Variants in MYCBP2 observed in about 807,000 individuals in gnomAD.
MYCBP2 encodes E3 ubiquitin-protein ligase MYCBP2.
Under a neutral mutation model 525.3 loss-of-function variants are expected in MYCBP2, and 120 were observed. The observed-to-expected ratio is 0.23, with a 90% CI of 0.20 to 0.27. MYCBP2 has a LOEUF of 0.27. Ranked by LOEUF, MYCBP2 falls within the 10% of genes least tolerant of loss-of-function variation. The pLI, the probability that MYCBP2 is intolerant of heterozygous loss-of-function variation, is 1.00. For missense variants in MYCBP2, 4,149 were observed against 5,657.1 expected (o/e 0.73, Z 8.55); for synonymous variants, 1,894 against 1,955.8 (o/e 0.97, Z 0.83).
intron 1 of MYCBP2, among the ~76,000 whole-genome samples, chr13:77,317,846 A>G (rs2081136454): frequency 6.6e-6 from 1 of 152,172 alleles, no homozygotes; most frequent in Non-Finnish European, 1.5e-5. Flanking sequence ...CTGAGGTAGG[A>G]GAACTGCTTG....
rs1393254656 is a variant in MYCBP2 at position 77,088,786 on chromosome 13, G to GA, written c.10725+45dup. The GA allele has an allele frequency of 2.0e-6, 3 of 1,511,080 alleles. No homozygotes were observed. In the African/African-American group the frequency reaches 4.1e-5, roughly 21 times the overall value. The allele number at this position is 1,511,080 out of a possible 1,614,324, so 93.6% of individuals were successfully genotyped here. A position where few individuals can be genotyped will look rare whatever the true frequency, so the allele number is the denominator to read the frequency against. On this transcript the variant is annotated intron_variant, in intron 61 of 82. Coordinates refer to ENST00000544440, the MANE Select transcript of MYCBP2 (RefSeq NM_015057.5). ...GCATCGTGAAATAGAATCATCACAT[G>GA]ATTTGTATAATCAATGAATCAGTAA...
intron 66 of MYCBP2, among the ~76,000 whole-genome samples, chr13:77,078,611 G>A (rs1372171823): frequency 6.6e-6 from 1 of 152,106 alleles, no homozygotes; most frequent in Non-Finnish European, 1.5e-5. Flanking sequence ...GCTCATGACT[G>A]GGGAACATTT....
intron 4 of MYCBP2, among the ~76,000 whole-genome samples, chr13:77,276,389 AAGG>A (rs1324309428): frequency 2.0e-5 from 3 of 152,176 alleles, no homozygotes; most frequent in Non-Finnish European, 4.4e-5. Context: ...AGATTAAAAA[AAGG>A]AGGAGAGGCA....
intron 30 of MYCBP2, among the ~76,000 whole-genome samples, chr13:77,186,992 T>C (rs1644647279): frequency 6.6e-6 from 1 of 151,890 alleles, no homozygotes; most frequent in African/African-American, 2.4e-5. Flanking sequence ...TTAAGTTTTT[T>C]TAGATGGGGG....
At chr13:77,125,550 T>C in intron 53 of MYCBP2, 82 bp from the exon 54 acceptor site, 1 of 1,480,398 alleles carries the variant, frequency 6.8e-7, no homozygotes, top group South Asian at 1.2e-5. Context: ...ATCTTACGTG[T>C]CTGAATAGTG....
chr13:77,237,573 T>C (rs1469577986), intron 17 of MYCBP2, among the ~76,000 whole-genome samples: 1 of 152,056 alleles, frequency 6.6e-6, no homozygotes, highest in East Asian at 1.9e-4. Context: ...ATAAAAACAA[T>C]AATTGAATTA....
intron 46 of MYCBP2, among the ~76,000 whole-genome samples, chr13:77,152,302 G>T (rs2056584904): frequency 6.6e-6 from 1 of 152,134 alleles, no homozygotes; most frequent in South Asian, 2.1e-4. Flanking sequence ...TTTAAAAAAT[G>T]GCAGTTTACA....
rs2154275588 is a variant in MYCBP2 at position 77,205,447 on chromosome 13, C to T, written c.3715+26G>A. 3 of 1,612,064 alleles carry T rather than the reference C, an allele frequency of 1.9e-6. 1 individual carries two copies. The highest frequency in any genetic ancestry group is 2.5e-6 in the Non-Finnish European group (3 of 1,179,198). ...CATATATATTTCAGTTGTAAGACAACATTTCCTAAACCGAAGTATACATAC... is the reference window on the plus strand; with the variant it reads ...CATATATATTTCAGTTGTAAGACAATATTTCCTAAACCGAAGTATACATAC... On this transcript the variant is annotated intron_variant, in intron 25 of 82. Coordinates refer to ENST00000544440, the MANE Select transcript of MYCBP2 (RefSeq NM_015057.5).
chr13:77,171,166 T>C (rs1324521587), intron 38 of MYCBP2, among the ~76,000 whole-genome samples: 1 of 152,124 alleles, frequency 6.6e-6, no homozygotes, highest in Non-Finnish European at 1.5e-5. Context: ...AGCGATACAT[T>C]ACTGGAAAAA....
intron 55 of MYCBP2, among the ~76,000 whole-genome samples, chr13:77,105,571 A>T (rs1158255097): frequency 1.3e-5 from 2 of 152,072 alleles, no homozygotes; most frequent in Non-Finnish European, 2.9e-5. Flanking sequence ...TTTTTAATTT[A>T]AAAAAGGGAA....
At chr13:77,086,291 G>A (rs1566455633) in intron 62 of MYCBP2, among the ~76,000 whole-genome samples, 1 of 151,892 alleles carries the variant, frequency 6.6e-6, no homozygotes, top group Non-Finnish European at 1.5e-5. Flanking sequence ...ATTTTAACTT[G>A]TAATGTTGCT....
intron 46 of MYCBP2, among the ~76,000 whole-genome samples, chr13:77,155,377 T>C (rs1383381022): frequency 6.6e-6 from 1 of 152,190 alleles, no homozygotes; most frequent in Non-Finnish European, 1.5e-5. Flanking sequence ...AATCACTCTA[T>C]AAGACAACTT....
At chr13:77,241,867 G>T (rs752372806) in intron 17 of MYCBP2, among the ~76,000 whole-genome samples, 43 of 152,098 alleles carry the variant, frequency 2.8e-4, no homozygotes, top group Middle Eastern at 3.4e-3. Context: ...ATATAATGAT[G>T]GTTAAATGGG....
At chr13:77,226,104 G>A (rs192061269) in intron 18 of MYCBP2, among the ~76,000 whole-genome samples, 2 of 152,154 alleles carry the variant, frequency 1.3e-5, no homozygotes, top group African/African-American at 4.8e-5. Context: ...TCAATATATT[G>A]CAGTTCAATG....
intron 71 of MYCBP2, 149 bp from the exon 72 acceptor site, chr13:77,066,237 C>A (rs1393820664): frequency 1.7e-6 from 1 of 600,932 alleles, no homozygotes; most frequent in South Asian, 2.1e-5. Context: ...TTCATCAAAC[C>A]ATTACCCCAA....
At chr13:77,262,000 T>G in intron 11 of MYCBP2, 53 bp downstream of exon 11, 1 of 1,389,596 alleles carries the variant, frequency 7.2e-7, no homozygotes. Flanking sequence ...AGATTGTATT[T>G]TAATCTCTTA....
At chr13:77,112,016 G>A (rs2048907811) in intron 55 of MYCBP2, among the ~76,000 whole-genome samples, 1 of 152,070 alleles carries the variant, frequency 6.6e-6, no homozygotes, top group Non-Finnish European at 1.5e-5. Context: ...CTTGGACAGG[G>A]ATAAAAGTTG....
rs570326784 is a variant in MYCBP2, at chr13:77,214,716, AG to A, written c.3058-2557del. On this transcript the variant is annotated intron_variant, in intron 21 of 82. Transcript: ENST00000544440. ...TAGACGGTATATCTACTACATACTT[AG>A]GTGATATGGTGTAGCCTATTGCTCC... Among the ~76,000 whole-genome samples the A allele has an allele frequency of 5.3e-5, 8 of 152,318 alleles. No individual in the cohort carries two copies. The East Asian group carries it at 7.7e-4, about 15-fold the overall frequency.
intron 59 of MYCBP2, 186 bp from the exon 60 acceptor site, chr13:77,090,449 C>G (rs1442367463): frequency 2.4e-5 from 10 of 411,292 alleles, no homozygotes; most frequent in Non-Finnish European, 4.2e-5. Context: ...TGACTGATTT[C>G]AGCATTGTAC....
Sources: gnomAD v4.1 joint callset for allele counts (sites outside exome capture counted in the v4.1 genomes callset) on GRCh38, gnomAD v4.1.1 for gene constraint, MANE v1.5 for transcripts, NCBI Gene and HGNC (gene_info 2026-07-23, HGNC 2026-07-21) for gene names.